KCTD1: variants seen among roughly 807,000 people sequenced by gnomAD.
The protein encoded by KCTD1 is potassium channel tetramerization domain containing 1.
Under a neutral mutation model 66.0 loss-of-function variants are expected in KCTD1, and 24 were observed. That is an observed-to-expected ratio of 0.36 (90% CI 0.26 to 0.51). The LOEUF (loss-of-function observed/expected upper bound fraction) is 0.51, where lower values mean the gene tolerates loss of function less well. KCTD1 is among the 20% of genes least tolerant of loss of function. The probability of loss-of-function intolerance (pLI) is 0.95; values close to 1 mark genes in which losing one functional copy is unlikely to be tolerated. For synonymous variants in KCTD1, 511 were observed against 517.2 expected, an observed-to-expected ratio of 0.99 and a Z score of 0.16; for missense variants, 943 against 1,205.2, an observed-to-expected ratio of 0.78 and a Z score of 3.22.
chr18:26,610,900 T>G (rs1987123935), intron 1 of KCTD1, among the ~76,000 whole-genome samples: 1 of 152,228 alleles, frequency 6.6e-6, no homozygotes, highest in Non-Finnish European at 1.5e-5. Context: ...TATAACTGAG[T>G]ATGAGCAATT....
intron 2 of KCTD1, among the ~76,000 whole-genome samples, chr18:26,477,593 G>A (rs1471938135): frequency 6.6e-6 from 1 of 152,168 alleles, no homozygotes; most frequent in East Asian, 1.9e-4. Flanking sequence ...TTGTTGCTCT[G>A]AAGATGATTT....
At chr18:26,473,258 C>A (rs1055923492) in intron 3 of KCTD1, among the ~76,000 whole-genome samples, 2 of 152,094 alleles carry the variant, frequency 1.3e-5, no homozygotes, top group Non-Finnish European at 2.9e-5. Flanking sequence ...CATGTCCTTG[C>A]AGGGATATGG....
At chr18:26,563,011 T>A (rs1224731702) in intron 1 of KCTD1, among the ~76,000 whole-genome samples, 3 of 152,140 alleles carry the variant, frequency 2.0e-5, no homozygotes, top group Non-Finnish European at 4.4e-5. Flanking sequence ...CCAAATCTGC[T>A]CCTCCTGCTT....
chr18:26,539,753 G>T (rs1417021334), intron 1 of KCTD1, among the ~76,000 whole-genome samples: 1 of 152,116 alleles, frequency 6.6e-6, no homozygotes, highest in African/African-American at 2.4e-5. Context: ...TCTAAGTTAA[G>T]TTCCTTAAAA....
chr18:26,481,405 CG>C (rs1981641619), intron 2 of KCTD1, among the ~76,000 whole-genome samples: 1 of 152,068 alleles, frequency 6.6e-6, no homozygotes, highest in African/African-American at 2.4e-5. Flanking sequence ...GAGAAGGGTG[CG>C]GAAGATACAA....
chr18:26,467,717 A>G (rs996015036), intron 3 of KCTD1, among the ~76,000 whole-genome samples: 4 of 152,066 alleles, frequency 2.6e-5, no homozygotes, highest in African/African-American at 9.6e-5. Context: ...TGGGAGGCTG[A>G]GACAGGAGAA....
At chr18:26,494,256 A>C (rs1982354145) in intron 2 of KCTD1, among the ~76,000 whole-genome samples, 1 of 152,188 alleles carries the variant, frequency 6.6e-6, no homozygotes, top group South Asian at 2.1e-4. Context: ...CTACAGTCCC[A>C]GCTACTCAGG....
At chr18:26,574,558 A>T (rs1416310256) in intron 1 of KCTD1, among the ~76,000 whole-genome samples, 2 of 152,224 alleles carry the variant, frequency 1.3e-5, no homozygotes, top group Non-Finnish European at 2.9e-5. Flanking sequence ...TATCTGTTGA[A>T]TTGAATTTGT....
intron 3 of KCTD1, among the ~76,000 whole-genome samples, chr18:26,471,937 G>A: frequency 6.6e-6 from 1 of 152,148 alleles, no homozygotes; most frequent in Non-Finnish European, 1.5e-5. Context: ...TGAGGGTAGT[G>A]GATTGATTCG....
intron 1 of KCTD1, among the ~76,000 whole-genome samples, chr18:26,507,946 A>G (rs17799897): frequency 0.4 from 61,153 of 151,958 alleles, 13,421 homozygotes; most frequent in Non-Finnish European, 0.5. Context: ...CACATGGAAG[A>G]TTCATTCACT....
intron 1 of KCTD1, among the ~76,000 whole-genome samples, chr18:26,539,504 ATTAATG>A (rs762562337): frequency 8.5e-5 from 13 of 152,190 alleles, no homozygotes; most frequent in Non-Finnish European, 1.9e-4. Flanking sequence ...CTTCATTATT[ATTAATG>A]TTAATGATTA....
At chr18:26,656,089 A>C (rs892218623) in intron 1 of KCTD1, among the ~76,000 whole-genome samples, 2 of 151,990 alleles carry the variant, frequency 1.3e-5, no homozygotes, top group African/African-American at 4.8e-5. Context: ...GTCAGAAAGG[A>C]GCCAAACTGA....
chr18:26,477,928 C>T (rs866937616), intron 2 of KCTD1, among the ~76,000 whole-genome samples: 2 of 152,166 alleles, frequency 1.3e-5, no homozygotes, highest in South Asian at 2.1e-4. Flanking sequence ...CAACTTTCCA[C>T]GAATTGCCTG....
chr18:26,586,059 G>A (rs535592431), intron 1 of KCTD1, among the ~76,000 whole-genome samples: 1 of 152,162 alleles, frequency 6.6e-6, no homozygotes, highest in South Asian at 2.1e-4. Context: ...AAAACAAGCA[G>A]TCTCTTCAAT....
chr18:26,486,563 G>C (rs1048315372), intron 2 of KCTD1, among the ~76,000 whole-genome samples: 2 of 152,192 alleles, frequency 1.3e-5, no homozygotes, highest in African/African-American at 4.8e-5. Flanking sequence ...CTAAATACTG[G>C]ACTGGGGCCT....
At chr18:26,587,868 T>G (rs1052742112) in intron 1 of KCTD1, among the ~76,000 whole-genome samples, 3 of 152,236 alleles carry the variant, frequency 2.0e-5, no homozygotes, top group Admixed American at 2.0e-4. Flanking sequence ...AGTTGTTTCT[T>G]ATAAATGAGC....
chr18:26,612,153 A>C (rs1987152579), intron 1 of KCTD1, among the ~76,000 whole-genome samples: 1 of 152,066 alleles, frequency 6.6e-6, no homozygotes, highest in Admixed American at 6.6e-5. Context: ...AAATTCTGTT[A>C]AATAATGCAG....
At chr18:26,554,921 A>C (rs147000214) in intron 1 of KCTD1, among the ~76,000 whole-genome samples, 44 of 152,346 alleles carry the variant, frequency 2.9e-4, no homozygotes, top group Non-Finnish European at 5.4e-4. Flanking sequence ...AAGGTTGTCA[A>C]AGTTAAATGA....
intron 1 of KCTD1, among the ~76,000 whole-genome samples, chr18:26,524,116 T>C (rs1984043439): frequency 6.6e-6 from 1 of 152,220 alleles, no homozygotes. Context: ...GAGCCCATCA[T>C]TGAAAAGATG....
Sources: gnomAD v4.1 joint callset for allele counts (sites outside exome capture counted in the v4.1 genomes callset) on GRCh38, gnomAD v4.1.1 for gene constraint, MANE v1.5 for transcripts, NCBI Gene and HGNC (gene_info 2026-07-23, HGNC 2026-07-21) for gene names.